Variants in ITGBL1 observed in about 807,000 individuals in gnomAD.
ITGBL1 encodes the protein integrin subunit beta like 1.
ITGBL1 carries 51 observed loss-of-function variants against 68.5 expected under a neutral mutation model. That is an observed-to-expected ratio of 0.74 (90% CI 0.59 to 0.94). ITGBL1 has a LOEUF of 0.94. Ranked by LOEUF, ITGBL1 falls within the 40% of genes least tolerant of loss-of-function variation. The pLI is 0.00. For missense variants in ITGBL1, 649 were observed against 647.4 expected, an observed-to-expected ratio of 1.00 and a Z score of -0.03; for synonymous variants, 209 against 227.3, an observed-to-expected ratio of 0.92 and a Z score of 0.72.
chr13:101,497,757 A>G (rs957147549), intron 2 of ITGBL1, among the ~76,000 whole-genome samples: 1 of 152,224 alleles, frequency 6.6e-6, no homozygotes, highest in Non-Finnish European at 1.5e-5. Context: ...CAGTCTCTCC[A>G]GATGATGACC....
intron 2 of ITGBL1, among the ~76,000 whole-genome samples, chr13:101,513,492 G>T (rs1295913936): frequency 1.3e-5 from 2 of 151,992 alleles, no homozygotes; most frequent in African/African-American, 4.8e-5. Context: ...AAATTTTGTT[G>T]TTGATCATGA....
At chr13:101,621,799 A>G (rs1298969670) in intron 7 of ITGBL1, among the ~76,000 whole-genome samples, 1 of 152,132 alleles carries the variant, frequency 6.6e-6, no homozygotes. Context: ...GACTGTTGGC[A>G]ATGACAAATT....
intron 6 of ITGBL1, among the ~76,000 whole-genome samples, chr13:101,589,664 G>T (rs112511194): frequency 5.9e-5 from 9 of 152,180 alleles, no homozygotes; most frequent in Non-Finnish European, 8.8e-5. Context: ...TCACAGCAAT[G>T]ATACAATCTC....
At chr13:101,698,388 A>G (rs995666666) in intron 8 of ITGBL1, among the ~76,000 whole-genome samples, 1 of 152,222 alleles carries the variant, frequency 6.6e-6, no homozygotes, top group African/African-American at 2.4e-5. Flanking sequence ...ACCAATTCTG[A>G]TAGGTTGGAT....
chr13:101,647,798 C>G (rs977427866), intron 7 of ITGBL1, among the ~76,000 whole-genome samples: 1 of 152,090 alleles, frequency 6.6e-6, no homozygotes, highest in Admixed American at 6.6e-5. Context: ...AAAAAGGGAG[C>G]CAGCTATTCC....
In ITGBL1 at chr13:101,579,361, G is replaced by A. The variant is rs1440204436; in HGVS notation, c.661G>A (p.Asp221Asn). ...WHGDKCEFQC[D>N]ITPWESKRRC... ...TGGAGATAAATGTGAATTCCAGTGC[G>A]ATATCACCCCCTGGGAAAGCAAGCG... is the stretch of plus-strand genomic sequence containing the variant. The change falls in exon 5 of 11, where the codon GAT becomes AAT. Residue 221 changes from aspartate to asparagine, a missense_variant. Coordinates refer to ENST00000376180, the MANE Select transcript of ITGBL1 (RefSeq NM_004791.3). 5.6e-6 allele frequency: 9 copies of A among 1,613,892 alleles called. No homozygotes were observed. Among genetic ancestry groups the A allele is most frequent in the South Asian group, 1.1e-5 (1 of 91,082 alleles).
intron 2 of ITGBL1, among the ~76,000 whole-genome samples, chr13:101,488,864 CT>C (rs2048736714): frequency 6.6e-6 from 1 of 152,092 alleles, no homozygotes; most frequent in Non-Finnish European, 1.5e-5. Context: ...TATTCCTTTT[CT>C]TTCATTTGTG....
At chr13:101,460,678 G>C (rs2048306137) in intron 2 of ITGBL1, among the ~76,000 whole-genome samples, 1 of 152,190 alleles carries the variant, frequency 6.6e-6, no homozygotes, top group Non-Finnish European at 1.5e-5. Flanking sequence ...TTGGCTTACA[G>C]TTTTGCAGGC....
intron 2 of ITGBL1, among the ~76,000 whole-genome samples, chr13:101,491,163 C>T (rs184107551): frequency 6.6e-6 from 1 of 152,280 alleles, no homozygotes; most frequent in African/African-American, 2.4e-5. Context: ...ACTCTGTCTG[C>T]TTCTCTGTCT....
intron 2 of ITGBL1, among the ~76,000 whole-genome samples, chr13:101,455,273 C>T (rs1276134386): frequency 6.6e-6 from 1 of 152,154 alleles, no homozygotes; most frequent in Non-Finnish European, 1.5e-5. Context: ...AATATGCAGG[C>T]TGCTTGGCAA....
chr13:101,570,261 C>A (rs1254336891), intron 3 of ITGBL1, among the ~76,000 whole-genome samples: 2 of 152,076 alleles, frequency 1.3e-5, no homozygotes, highest in Non-Finnish European at 2.9e-5. Flanking sequence ...GGTATTAAAG[C>A]CCATCAGGCT....
chr13:101,713,171 A>G (rs890220015), intron 9 of ITGBL1: 2 of 152,348 alleles, frequency 1.3e-5, no homozygotes, highest in South Asian at 4.1e-4. Flanking sequence ...GCTGAAATGC[A>G]TATACCAGTT....
chr13:101,694,321 T>C (rs1355930562), intron 8 of ITGBL1, among the ~76,000 whole-genome samples: 1 of 152,250 alleles, frequency 6.6e-6, no homozygotes, highest in Non-Finnish European at 1.5e-5. Context: ...TATGTATGTA[T>C]GTATATATAC....
intron 2 of ITGBL1, among the ~76,000 whole-genome samples, chr13:101,521,494 A>T (rs1395616043): frequency 1.3e-5 from 2 of 152,180 alleles, no homozygotes; most frequent in African/African-American, 4.8e-5. Context: ...TCACTTTTGT[A>T]TCCAGGGAAC....
chr13:101,579,394 A>T lies in ITGBL1; in HGVS notation c.694A>T (p.Thr232Ser), dbSNP rs2050417288. Reference sequence around the variant, plus strand: ...CCCCTGGGAAAGCAAGCGAAGATGCACGTCTCCAGATGGCAAAATCTGCAG... The same window carrying T: ...CCCCTGGGAAAGCAAGCGAAGATGCTCGTCTCCAGATGGCAAAATCTGCAG... ...ITPWESKRRC[T>S]SPDGKICSNR... is the part of the protein sequence containing the mutation. The change falls in exon 5 of 11, where the codon ACG becomes TCG. Residue 232 changes from threonine to serine, a missense_variant. Thr to Ser is a moderately conservative substitution (Grantham distance 58, BLOSUM62 1). Coordinates refer to ENST00000376180, the MANE Select transcript of ITGBL1 (RefSeq NM_004791.3). 6.2e-7 allele frequency: 1 copy of T among 1,613,744 alleles called. No individual in the cohort carries two copies. The highest frequency in any genetic ancestry group is 1.1e-5 in the South Asian group (1 of 91,076).
At chr13:101,626,547 C>T (rs965104408) in intron 7 of ITGBL1, among the ~76,000 whole-genome samples, 1 of 152,132 alleles carries the variant, frequency 6.6e-6, no homozygotes, top group Non-Finnish European at 1.5e-5. Flanking sequence ...GGAAACCTGG[C>T]AGTTTCTACT....
intron 2 of ITGBL1, among the ~76,000 whole-genome samples, chr13:101,554,286 T>C (rs572015889): frequency 2.0e-5 from 3 of 152,328 alleles, no homozygotes; most frequent in Admixed American, 2.0e-4. Context: ...CAGAATGTTA[T>C]TAAATTCCAT....
chr13:101,542,343 A>T lies in ITGBL1; in HGVS notation c.317-25356A>T, dbSNP rs567247749. Among the ~76,000 whole-genome samples the T allele has an allele frequency of 6.0e-4, 92 of 152,310 alleles. 1 individual carries two copies. The highest frequency in any genetic ancestry group is 2.1e-3 in the African/African-American group (89 of 41,582). Reference sequence around the variant, plus strand: ...GTATTCATTCAGGAGCAGGTTGTTCAGTTTCCATGTAGTTGAGCGGTTTTG... The same window carrying T: ...GTATTCATTCAGGAGCAGGTTGTTCTGTTTCCATGTAGTTGAGCGGTTTTG... On this transcript the variant is annotated intron_variant, in intron 2 of 10. Transcript: ENST00000376180.
At chr13:101,593,319 A>T (rs1272672825) in intron 6 of ITGBL1, among the ~76,000 whole-genome samples, 3 of 152,110 alleles carry the variant, frequency 2.0e-5, no homozygotes, top group African/African-American at 7.2e-5. Flanking sequence ...ACTGTGGGTG[A>T]AAATGTAAAT....
Sources: gnomAD v4.1 joint callset for allele counts (sites outside exome capture counted in the v4.1 genomes callset) on GRCh38, gnomAD v4.1.1 for gene constraint, MANE v1.5 for transcripts, NCBI Gene and HGNC (gene_info 2026-07-23, HGNC 2026-07-21) for gene names.